The following PCBP2 variants were observed in gnomAD, a reference collection of about 807,000 sequenced individuals.
PCBP2 encodes poly(rC)-binding protein 2.
PCBP2 carries 4 observed loss-of-function variants against 50.1 expected under a neutral mutation model. The ratio of observed to expected loss-of-function variants is 0.08; its 90% CI spans 0.04 to 0.18. The LOEUF (loss-of-function observed/expected upper bound fraction) is 0.18, where lower values mean the gene tolerates loss of function less well. Ranked by LOEUF, PCBP2 falls within the 10% of genes least tolerant of loss-of-function variation. The pLI, the probability that PCBP2 is intolerant of heterozygous loss-of-function variation, is 1.00. For missense variants in PCBP2, 161 were observed against 474.3 expected (o/e 0.34, Z 6.14); for synonymous variants, 179 against 168.0 (o/e 1.07, Z -0.51).
chr12:53,467,614 C>G (rs1941910665), intron 11 of PCBP2, 191 bp from the exon 12 acceptor site: 2 of 632,352 alleles, frequency 3.2e-6, no homozygotes, highest in Admixed American at 5.6e-5. Context: ...ATCAGCACCC[C>G]CTTTCTCTCC....
At chr12:53,475,261 TTG>T in intron 14 of PCBP2, 1 of 418,402 alleles carries the variant, frequency 2.4e-6, no homozygotes, top group Non-Finnish European at 4.9e-6. Context: ...TTTGTTCATT[TTG>T]TTTTCCTTTG....
intron 13 of PCBP2, among the ~76,000 whole-genome samples, chr12:53,470,485 G>T (rs1942142257): frequency 6.6e-6 from 1 of 150,666 alleles, no homozygotes; most frequent in South Asian, 2.1e-4. Flanking sequence ...GCTCACTGCA[G>T]CCTTGAACTT....
intron 6 of PCBP2, chr12:53,460,454 C>G: frequency 3.7e-6 from 1 of 271,274 alleles, no homozygotes; most frequent in South Asian, 2.9e-5. Context: ...CCCCTACTTC[C>G]TGTTTAACTA....
chr12:53,472,639 A>AG (rs1942318059), intron 14 of PCBP2, among the ~76,000 whole-genome samples: 1 of 152,140 alleles, frequency 6.6e-6, no homozygotes, highest in African/African-American at 2.4e-5. Context: ...TACCTTTCTT[A>AG]TAAGTGTTTA....
At chr12:53,472,009 G>GGA (rs1565871347) in intron 14 of PCBP2, among the ~76,000 whole-genome samples, 1 of 149,488 alleles carries the variant, frequency 6.7e-6, no homozygotes, top group African/African-American at 2.4e-5. Flanking sequence ...GTTGGTGGGG[G>GGA]GGGGAGCACA....
intron 7 of PCBP2, 26 bp downstream of exon 7, chr12:53,461,169 A>T: frequency 1.2e-6 from 2 of 1,612,184 alleles, no homozygotes; most frequent in Non-Finnish European, 1.7e-6. Context: ...CATGCTGAAA[A>T]TGGGGGGAGG....
At chr12:53,453,790 T>G (rs1467059467) in intron 1 of PCBP2, among the ~76,000 whole-genome samples, 1 of 152,226 alleles carries the variant, frequency 6.6e-6, no homozygotes, top group Non-Finnish European at 1.5e-5. Flanking sequence ...AAATTTTCTT[T>G]CTACACATAA....
chr12:53,456,052 G>A (rs761787681), intron 5 of PCBP2, 51 bp downstream of exon 5: 1 of 1,124,428 alleles, frequency 8.9e-7, no homozygotes, highest in African/African-American at 1.5e-5. Context: ...CTTCCAGAGA[G>A]CTTGTTGATT....
At position 53,464,047 on chromosome 12, in the gene PCBP2, C is replaced by G. The variant is rs1290643364; in HGVS notation, c.580-713C>G. 2.0e-5 allele frequency among the ~76,000 whole-genome samples: 3 copies of G among 152,120 alleles called. No individual in the cohort carries two copies. In the East Asian group the frequency reaches 5.8e-4, roughly 29 times the overall value. ...TTAGAAAAGTACAAACTGGTTTGTT[C>G]AAAGGGCTCTCAGTCTAGTTAGTCA... On this transcript the variant is annotated intron_variant, in intron 8 of 14. Transcript: ENST00000546463.
chr12:53,455,838 C>A, intron 4 of PCBP2, 47 bp from the exon 5 acceptor site: 2 of 1,261,798 alleles, frequency 1.6e-6, no homozygotes, highest in South Asian at 1.2e-5. Flanking sequence ...TGTACATACT[C>A]AGATCTTCTT....
chr12:53,469,121 C>CA (rs200305192), intron 13 of PCBP2, among the ~76,000 whole-genome samples: 2,807 of 151,970 alleles, frequency 0.018, 41 homozygotes, highest in Non-Finnish European at 0.029. Context: ...AGGCTGGTCT[C>CA]AAACTCCCGA....
intron 14 of PCBP2, 56 bp downstream of exon 14, chr12:53,471,863 G>A: frequency 1.3e-6 from 2 of 1,510,314 alleles, no homozygotes; most frequent in Admixed American, 1.8e-5. Context: ...GTGTGTGTTG[G>A]GGAGAGCTGC....
chr12:53,452,665 G>A (rs1224127251), intron 1 of PCBP2, among the ~76,000 whole-genome samples: 1 of 151,512 alleles, frequency 6.6e-6, no homozygotes, highest in Non-Finnish European at 1.5e-5. Flanking sequence ...CGGTGGATTT[G>A]TTGGTTGTGG....
intron 8 of PCBP2, among the ~76,000 whole-genome samples, chr12:53,462,786 A>C (rs1941540678): frequency 6.6e-6 from 1 of 152,014 alleles, no homozygotes; most frequent in African/African-American, 2.4e-5. Flanking sequence ...GAGGTAACTT[A>C]CTTGTGGGTT....
At chr12:53,457,370 T>C (rs1411078530) in intron 5 of PCBP2, among the ~76,000 whole-genome samples, 1 of 151,484 alleles carries the variant, frequency 6.6e-6, no homozygotes, top group Non-Finnish European at 1.5e-5. Context: ...ATTTTTTTAT[T>C]TTTTTATTTT....
chr12:53,465,692 G>C (rs950951201), intron 9 of PCBP2, among the ~76,000 whole-genome samples: 1 of 152,146 alleles, frequency 6.6e-6, no homozygotes, highest in African/African-American at 2.4e-5. Flanking sequence ...TTTTGCCTTT[G>C]ATTGCAGGGA....
chr12:53,458,596 C>T (rs780882051), intron 5 of PCBP2, among the ~76,000 whole-genome samples: 3 of 151,738 alleles, frequency 2.0e-5, no homozygotes, highest in East Asian at 1.9e-4. Context: ...CATGAGCCGC[C>T]GTGCCCGGTC....
At position 53,460,725 on chromosome 12, in the gene PCBP2, A is replaced by C. The variant is rs1015995879; in HGVS notation, c.376-290A>C. ...GTGGGGCTTTTGCTTCGCCCAGAGA[A>C]CTATCATTAGTTGAAAGGCAACTAT... On this transcript the variant is annotated intron_variant, in intron 6 of 14. Coordinates refer to ENST00000546463, the MANE Select transcript of PCBP2 (RefSeq NM_031989.5). 23 of 287,222 alleles carry C rather than the reference A, an allele frequency of 8.0e-5. No homozygotes were observed. The Admixed American group carries it at 8.1e-4, about 10-fold the overall frequency. 17.8% of individuals were successfully genotyped at this position (287,222 alleles called of 1,614,324 possible).
At chr12:53,470,444 G>T (rs1043886225) in intron 13 of PCBP2, among the ~76,000 whole-genome samples, 1 of 141,690 alleles carries the variant, frequency 7.1e-6, no homozygotes, top group Non-Finnish European at 1.5e-5. Flanking sequence ...TCCCTCTGTT[G>T]CCCAGGCTGG....
Sources: allele counts gnomAD v4.1 joint callset (sites outside exome capture counted in the v4.1 genomes callset), GRCh38; gene constraint gnomAD v4.1.1; transcripts MANE v1.5; gene names NCBI Gene and HGNC (gene_info 2026-07-23, HGNC 2026-07-21).